The following LOC400499 variants were observed in gnomAD, a reference collection of about 807,000 sequenced individuals.
chr16:11,381,927 G>A, the LOC400499 span, among the ~76,000 whole-genome samples: 1 of 150,702 alleles, frequency 6.6e-6, no homozygotes, highest in African/African-American at 2.4e-5. Flanking sequence ...AAAGGGTCCT[G>A]TGTCTGTTTT....
the LOC400499 span, chr16:11,521,880 G>C: frequency 2.5e-6 from 1 of 398,670 alleles, no homozygotes; most frequent in Non-Finnish European, 4.4e-6. Flanking sequence ...GAAATTGGAG[G>C]TAAGGGGCTG....
chr16:11,493,806 G>C, the LOC400499 span: 2 of 367,252 alleles, frequency 5.4e-6, no homozygotes, highest in African/African-American at 4.9e-5. Flanking sequence ...GCTAAATCGA[G>C]ATGGAGGTAG....
chr16:11,440,767 C>G, the LOC400499 span: 1 of 399,042 alleles, frequency 2.5e-6, no homozygotes. Context: ...TGCATCCATG[C>G]CAAAGTTGAA....
chr16:11,508,922 T>G, the LOC400499 span: 1 of 398,274 alleles, frequency 2.5e-6, no homozygotes, highest in East Asian at 3.6e-5. Flanking sequence ...GAAAGCCCTC[T>G]GGGAGTCGCC....
At chr16:11,514,388 T>A in the LOC400499 span, 234,964 of 398,890 alleles carry the variant, frequency 0.59, 71,390 homozygotes, top group Admixed American at 0.66. Flanking sequence ...GGGCATCTCG[T>A]GCAGCAGACT....
At chr16:11,481,361 C>T in the LOC400499 span, among the ~76,000 whole-genome samples, 2 of 152,168 alleles carry the variant, frequency 1.3e-5, no homozygotes, top group South Asian at 2.1e-4. Context: ...TCACTCTTGC[C>T]GCCCAAGCTA....
At chr16:11,455,266 A>G in the LOC400499 span, among the ~76,000 whole-genome samples, 1 of 152,238 alleles carries the variant, frequency 6.6e-6, no homozygotes, top group Non-Finnish European at 1.5e-5. Context: ...TATGTATTTG[A>G]AAGGGGCACC....
At chr16:11,406,365 A>G in the LOC400499 span, among the ~76,000 whole-genome samples, 1 of 152,174 alleles carries the variant, frequency 6.6e-6, no homozygotes, top group Non-Finnish European at 1.5e-5. Context: ...GCTGTGTAAT[A>G]TTCCATGGTG....
At chr16:11,455,259 G>A in the LOC400499 span, among the ~76,000 whole-genome samples, 376 of 152,274 alleles carry the variant, frequency 2.5e-3, 4 homozygotes, top group African/African-American at 8.6e-3. Context: ...AAGAGAATAT[G>A]TATTTGAAAG....
chr16:11,379,936 C>T, the LOC400499 span, among the ~76,000 whole-genome samples: 1 of 152,098 alleles, frequency 6.6e-6, no homozygotes, highest in African/African-American at 2.4e-5. Flanking sequence ...GCTCTGTCCC[C>T]CTCCTATGTT....
chr16:11,424,089 G>A, the LOC400499 span: 20 of 399,438 alleles, frequency 5.0e-5, no homozygotes, highest in Non-Finnish European at 7.1e-5. Flanking sequence ...GGGCCCGGGT[G>A]CAGCCCCCTC....
At chr16:11,455,166 A>G in the LOC400499 span, among the ~76,000 whole-genome samples, 2 of 152,220 alleles carry the variant, frequency 1.3e-5, no homozygotes, top group African/African-American at 4.8e-5. Flanking sequence ...AGGACACCAT[A>G]TATCTCAGCT....
the LOC400499 span, among the ~76,000 whole-genome samples, chr16:11,433,138 G>A: frequency 5.6e-3 from 851 of 152,314 alleles, 16 homozygotes; most frequent in African/African-American, 0.019. Context: ...GGGTTGAGTA[G>A]TTGCAACAGA....
the LOC400499 span, among the ~76,000 whole-genome samples, chr16:11,382,351 A>C: frequency 6.6e-6 from 1 of 152,174 alleles, no homozygotes; most frequent in Non-Finnish European, 1.5e-5. Flanking sequence ...GCAGCCACTA[A>C]TTCTGGCATC....
the LOC400499 span, among the ~76,000 whole-genome samples, chr16:11,393,146 G>A: frequency 5.8e-5 from 7 of 120,246 alleles, 1 homozygote; most frequent in East Asian, 4.5e-4. Context: ...GAGCCACCAC[G>A]CCTGGCCACC....
At chr16:11,391,803 G>A in the LOC400499 span, 26 of 1,232,060 alleles carry the variant, frequency 2.1e-5, no homozygotes, top group African/African-American at 6.2e-5. Context: ...CTCCCGCCCC[G>A]CCTGGGACAG....
the LOC400499 span, among the ~76,000 whole-genome samples, chr16:11,449,562 GC>G: frequency 6.6e-6 from 1 of 152,170 alleles, no homozygotes; most frequent in Non-Finnish European, 1.5e-5. Flanking sequence ...CCTGGCACAA[GC>G]CCCCCATGGG....
At chr16:11,484,830 G>C in the LOC400499 span, 1 of 392,462 alleles carries the variant, frequency 2.5e-6, no homozygotes, top group African/African-American at 2.2e-5. Context: ...CGCATGAAGC[G>C]GGGTGGGCCT....
the LOC400499 span, among the ~76,000 whole-genome samples, chr16:11,503,311 A>T: frequency 4.0e-4 from 61 of 152,310 alleles, no homozygotes; most frequent in Admixed American, 5.9e-4. Flanking sequence ...CCCAAAACTC[A>T]CAAGAAATAA....
Sources: allele counts gnomAD v4.1 joint callset (sites outside exome capture counted in the v4.1 genomes callset), GRCh38; gene constraint gnomAD v4.1.1; transcripts MANE v1.5.